Variants in FOXP1 observed in about 807,000 individuals in gnomAD.
FOXP1 encodes the protein forkhead box P1, also known as forkhead box protein P1.
A neutral mutation model predicts 98.2 loss-of-function variants in FOXP1; 15 were observed. That is an observed-to-expected ratio of 0.15 (90% confidence interval 0.10 to 0.24). The LOEUF (loss-of-function observed/expected upper bound fraction) is 0.24, where lower values mean the gene tolerates loss of function less well. Ranked by LOEUF, FOXP1 falls within the 10% of genes least tolerant of loss-of-function variation. The probability of loss-of-function intolerance (pLI) is 1.00; values close to 1 mark genes in which losing one functional copy is unlikely to be tolerated. For synonymous variants in FOXP1, 371 were observed against 314.5 expected, an observed-to-expected ratio of 1.18 and a Z score of -1.90; for missense variants, 633 against 848.5, an observed-to-expected ratio of 0.75 and a Z score of 3.15.
chr3:71,126,103 A>C (rs1168138845), intron 6 of FOXP1, among the ~76,000 whole-genome samples: 1 of 152,214 alleles, frequency 6.6e-6, no homozygotes, highest in African/African-American at 2.4e-5. Context: ...AGATATGTAA[A>C]ATGTATACAT....
At chr3:71,538,930 T>A (rs2044537869) in intron 2 of FOXP1, among the ~76,000 whole-genome samples, 1 of 152,126 alleles carries the variant, frequency 6.6e-6, no homozygotes, top group South Asian at 2.1e-4. Context: ...AAGAAGACTA[T>A]TCTTTCTCCA....
chr3:71,422,642 A>G (rs138098225), intron 3 of FOXP1, among the ~76,000 whole-genome samples: 33 of 152,370 alleles, frequency 2.2e-4, no homozygotes, highest in Non-Finnish European at 1.3e-4. Flanking sequence ...AAGAAAGCCA[A>G]AAAGAATAAT....
chr3:71,465,803 G>A (rs561764537), intron 3 of FOXP1, among the ~76,000 whole-genome samples: 2 of 152,314 alleles, frequency 1.3e-5, no homozygotes, highest in East Asian at 3.9e-4. Context: ...CAGAGGGCAA[G>A]CAAGCATTAC....
At chr3:71,035,789 A>G (rs1480974193) in intron 11 of FOXP1, among the ~76,000 whole-genome samples, 2 of 152,158 alleles carry the variant, frequency 1.3e-5, no homozygotes, top group Admixed American at 6.5e-5. Context: ...AAAAACTGAA[A>G]TGAGGAAAAA....
intron 6 of FOXP1, among the ~76,000 whole-genome samples, chr3:71,120,874 C>T (rs2058710636): frequency 1.3e-5 from 2 of 152,144 alleles, no homozygotes; most frequent in African/African-American, 2.4e-5. Flanking sequence ...GTTATCATTG[C>T]TATGATGCCG....
chr3:71,197,007 G>A (rs947611912), intron 6 of FOXP1, among the ~76,000 whole-genome samples: 3 of 152,108 alleles, frequency 2.0e-5, no homozygotes, highest in African/African-American at 7.2e-5. Flanking sequence ...CACCTTGTAA[G>A]GAGCTAACAG....
At chr3:71,154,757 T>A (rs944415978) in intron 6 of FOXP1, among the ~76,000 whole-genome samples, 2 of 152,146 alleles carry the variant, frequency 1.3e-5, no homozygotes, top group Non-Finnish European at 2.9e-5. Context: ...GAGGATAAAG[T>A]AAGACAGTTC....
chr3:71,490,972 T>C (rs1005825868), intron 3 of FOXP1, among the ~76,000 whole-genome samples: 2 of 152,210 alleles, frequency 1.3e-5, no homozygotes, highest in African/African-American at 4.8e-5. Context: ...AGACCGAGGC[T>C]TTGTTCTCAA....
intron 6 of FOXP1, among the ~76,000 whole-genome samples, chr3:71,134,787 C>T (rs903800122): frequency 6.6e-6 from 1 of 152,142 alleles, no homozygotes; most frequent in Non-Finnish European, 1.5e-5. Context: ...CCTCTTAAAG[C>T]TATGAAAACT....
At chr3:71,400,206 T>G (rs995655125) in intron 3 of FOXP1, among the ~76,000 whole-genome samples, 1 of 152,206 alleles carries the variant, frequency 6.6e-6, no homozygotes, top group Non-Finnish European at 1.5e-5. Flanking sequence ...GTAAATCTTA[T>G]TGATATCATT....
intron 2 of FOXP1, chr3:71,572,952 GAAC>G (rs1298526497): frequency 2.0e-5 from 3 of 152,262 alleles, no homozygotes; most frequent in African/African-American, 7.2e-5. Flanking sequence ...TCAACTCACA[GAAC>G]AAAATGCTTG....
At chr3:71,299,359 T>C (rs904124674) in intron 5 of FOXP1, among the ~76,000 whole-genome samples, 1 of 152,204 alleles carries the variant, frequency 6.6e-6, no homozygotes, top group Non-Finnish European at 1.5e-5. Flanking sequence ...CGTGTTGCTA[T>C]GGTGCCTGAC....
At chr3:71,195,824 C>G (rs1254931648) in intron 6 of FOXP1, among the ~76,000 whole-genome samples, 1 of 152,182 alleles carries the variant, frequency 6.6e-6, no homozygotes, top group East Asian at 1.9e-4. Context: ...ATGATGAAAA[C>G]AACCATAGTC....
At chr3:71,338,240 AC>A (rs1359943343) in intron 4 of FOXP1, among the ~76,000 whole-genome samples, 1 of 152,254 alleles carries the variant, frequency 6.6e-6, no homozygotes, top group Non-Finnish European at 1.5e-5. Flanking sequence ...AGAGGTCAAA[AC>A]AAAGAATCTC....
intron 4 of FOXP1, among the ~76,000 whole-genome samples, chr3:71,311,664 C>T (rs2074690501): frequency 6.6e-6 from 1 of 152,196 alleles, no homozygotes; most frequent in African/African-American, 2.4e-5. Context: ...GGAAAGACCT[C>T]CAACAATCCT....
intron 2 of FOXP1, among the ~76,000 whole-genome samples, chr3:71,494,017 G>GTA (rs2091241399): frequency 6.6e-6 from 1 of 152,000 alleles, no homozygotes; most frequent in Non-Finnish European, 1.5e-5. Context: ...AAAACTAGTA[G>GTA]GAAAGGTAAT....
intron 6 of FOXP1, among the ~76,000 whole-genome samples, chr3:71,138,229 A>G (rs1471603948): frequency 6.6e-6 from 1 of 152,244 alleles, no homozygotes; most frequent in Non-Finnish European, 1.5e-5. Context: ...AATTGCCTCA[A>G]AATGGGATTT....
rs575059028 is a variant in FOXP1, at chr3:71,353,617, T to C, written c.-73+5533A>G. 2.8e-3 allele frequency among the ~76,000 whole-genome samples: 431 copies of C among 152,304 alleles called. 3 individuals carry two copies. The highest frequency in any genetic ancestry group is 9.7e-3 in the African/African-American group (405 of 41,558). ...TCCTTTTATTGTTAAGTTGCAAGAG[T>C]ACAAGTTATGAATTAATAAAAGAAA... On this transcript the variant is annotated intron_variant, in intron 4 of 20. Transcript: ENST00000649528.
chr3:71,227,412 AC>A (rs894026157), intron 5 of FOXP1, among the ~76,000 whole-genome samples: 6 of 151,804 alleles, frequency 4.0e-5, no homozygotes, highest in African/African-American at 1.5e-4. Flanking sequence ...CGCCAAAGAA[AC>A]CCCCCAGAAA....
Sources: gnomAD v4.1 joint callset for allele counts (sites outside exome capture counted in the v4.1 genomes callset) on GRCh38, gnomAD v4.1.1 for gene constraint, MANE v1.5 for transcripts, NCBI Gene and HGNC (gene_info 2026-07-23, HGNC 2026-07-21) for gene names.